Variants in AOAH observed in about 807,000 individuals in gnomAD.
The protein encoded by AOAH is acyloxyacyl hydrolase (neutrophil).
A neutral mutation model predicts 92.2 loss-of-function variants in AOAH; 64 were observed. That is an observed-to-expected ratio of 0.69 (90% CI 0.57 to 0.86). The LOEUF is 0.86. Among genes scored for constraint, AOAH ranks in the 40% least tolerant of loss-of-function variants. AOAH has a pLI of 0.00. For synonymous variants in AOAH, 263 were observed against 254.5 expected (o/e 1.03, Z -0.32); for missense variants, 656 against 694.6 (o/e 0.94, Z 0.62).
At chr7:36,587,645 T>C (rs959062730) in intron 12 of AOAH, among the ~76,000 whole-genome samples, 6 of 152,220 alleles carry the variant, frequency 3.9e-5, no homozygotes, top group African/African-American at 1.2e-4. Flanking sequence ...AAAATCATTT[T>C]TGTTAATATT....
rs539316680 is a variant in AOAH, at chr7:36,551,485, C to T, written c.1022-2010G>A. The stretch of plus-strand genomic sequence containing the variant: ...TCCAGAACTTTTCCATCATTCCAAA[C>T]CGAAACTCAAAATGCATTAAAGAAT... On this transcript the variant is annotated intron_variant, in intron 13 of 20. Coordinates refer to ENST00000617537, the MANE Select transcript of AOAH (RefSeq NM_001637.4). Among the ~76,000 whole-genome samples the T allele has an allele frequency of 2.6e-5, 4 of 152,294 alleles. No homozygotes were observed. The East Asian group carries it at 7.7e-4, about 29-fold the overall frequency.
chr7:36,716,128 A>T (rs1379166907), intron 1 of AOAH, among the ~76,000 whole-genome samples: 1 of 152,262 alleles, frequency 6.6e-6, no homozygotes, highest in Non-Finnish European at 1.5e-5. Context: ...ACAAATTTAC[A>T]AGAAAAAACA....
intron 1 of AOAH, among the ~76,000 whole-genome samples, chr7:36,719,510 T>C (rs757271100): frequency 3.9e-5 from 6 of 152,208 alleles, no homozygotes; most frequent in Admixed American, 3.3e-4. Flanking sequence ...ACTTCTTCCA[T>C]GTGTTGGGAA....
chr7:36,543,635 A>G (rs987006190), intron 15 of AOAH, among the ~76,000 whole-genome samples: 4 of 152,148 alleles, frequency 2.6e-5, no homozygotes, highest in African/African-American at 9.7e-5. Context: ...AATCTGAGCT[A>G]ATTTGTATTT....
intron 1 of AOAH, among the ~76,000 whole-genome samples, chr7:36,704,744 A>T (rs544907742): frequency 1.1e-4 from 16 of 152,208 alleles, no homozygotes; most frequent in Non-Finnish European, 2.9e-5. Flanking sequence ...AAAATCCTCA[A>T]TAAAATACTG....
intron 1 of AOAH, among the ~76,000 whole-genome samples, chr7:36,707,253 T>C (rs1294242885): frequency 1.3e-5 from 2 of 151,824 alleles, no homozygotes; most frequent in Non-Finnish European, 2.9e-5. Context: ...GGGAGGGCAA[T>C]GGAGAGGGGG....
intron 2 of AOAH, among the ~76,000 whole-genome samples, chr7:36,681,009 TAAG>T (rs1796607657): frequency 7.2e-6 from 1 of 139,312 alleles, no homozygotes; most frequent in African/African-American, 3.0e-5. Flanking sequence ...GCTAGTATAT[TAAG>T]AAGAGGGAAT....
At chr7:36,624,698 C>A (rs1338133404) in intron 6 of AOAH, among the ~76,000 whole-genome samples, 1 of 152,214 alleles carries the variant, frequency 6.6e-6, no homozygotes, top group Non-Finnish European at 1.5e-5. Flanking sequence ...TTCAGTGACT[C>A]TACCTCTAGC....
intron 11 of AOAH, among the ~76,000 whole-genome samples, chr7:36,610,159 C>CAAAAAAAAAAAAAAA (rs71553082): frequency 2.2e-4 from 11 of 49,278 alleles, no homozygotes; most frequent in African/African-American, 9.2e-4. Flanking sequence ...TCCATAATAG[C>CAAAAAAAAAAAAAAA]AAAAAAAAAA....
At chr7:36,713,040 T>C (rs1057007864) in intron 1 of AOAH, among the ~76,000 whole-genome samples, 3 of 152,054 alleles carry the variant, frequency 2.0e-5, no homozygotes, top group East Asian at 1.9e-4. Context: ...GACTGGCAAA[T>C]TGGATAAACA....
chr7:36,543,990 C>G (rs1453804089), intron 15 of AOAH, among the ~76,000 whole-genome samples: 1 of 132,816 alleles, frequency 7.5e-6, no homozygotes, highest in African/African-American at 2.9e-5. Context: ...CTCTGTTGCC[C>G]AGGCTGGAGT....
At chr7:36,626,241 G>C (rs2116150606) in intron 6 of AOAH, among the ~76,000 whole-genome samples, 1 of 152,328 alleles carries the variant, frequency 6.6e-6, no homozygotes, top group African/African-American at 2.4e-5. Context: ...TTTTCAGCCT[G>C]AGAAAGAAAA....
At chr7:36,623,683 A>C (rs528542859) in intron 6 of AOAH, among the ~76,000 whole-genome samples, 4 of 152,168 alleles carry the variant, frequency 2.6e-5, no homozygotes, top group Non-Finnish European at 5.9e-5. Context: ...GAGAATCTTG[A>C]CCATTTAGCT....
At chr7:36,528,115 C>T (rs1400732211) in intron 19 of AOAH, among the ~76,000 whole-genome samples, 3 of 152,050 alleles carry the variant, frequency 2.0e-5, no homozygotes, top group African/African-American at 7.3e-5. Flanking sequence ...CACATGCCTT[C>T]CCTAGTGGGG....
intron 13 of AOAH, among the ~76,000 whole-genome samples, chr7:36,574,226 G>C (rs1439124107): frequency 1.3e-5 from 2 of 152,138 alleles, no homozygotes; most frequent in Non-Finnish European, 2.9e-5. Context: ...GCATTTCTAA[G>C]GACTGCAAAT....
At chr7:36,592,185 A>G (rs1477046381) in intron 12 of AOAH, among the ~76,000 whole-genome samples, 1 of 152,212 alleles carries the variant, frequency 6.6e-6, no homozygotes, top group Non-Finnish European at 1.5e-5. Context: ...TTGAGAAATG[A>G]CTAGACTGGG....
chr7:36,523,100 C>T (rs2115849879), intron 19 of AOAH, among the ~76,000 whole-genome samples: 1 of 152,270 alleles, frequency 6.6e-6, no homozygotes, highest in Non-Finnish European at 1.5e-5. Flanking sequence ...ACCTCCATTC[C>T]CCAGGGGCTG....
intron 12 of AOAH, among the ~76,000 whole-genome samples, chr7:36,584,408 T>G (rs565389036): frequency 5.9e-5 from 9 of 152,336 alleles, no homozygotes; most frequent in African/African-American, 2.2e-4. Flanking sequence ...TGTAGAGTGT[T>G]CATTTACTTT....
chr7:36,666,188 G>A (rs1795521832), intron 3 of AOAH, among the ~76,000 whole-genome samples: 1 of 151,888 alleles, frequency 6.6e-6, no homozygotes. Context: ...CGTGTTTTTT[G>A]TTTTGGTAGA....
Sources: allele counts gnomAD v4.1 joint callset (sites outside exome capture counted in the v4.1 genomes callset), GRCh38; gene constraint gnomAD v4.1.1; transcripts MANE v1.5; gene names NCBI Gene and HGNC (gene_info 2026-07-23, HGNC 2026-07-21).